Variants in ITGAX observed in about 807,000 individuals in gnomAD.
ITGAX encodes integrin subunit alpha X.
A neutral mutation model predicts 140.2 loss-of-function variants in ITGAX; 99 were observed. The ratio of observed to expected loss-of-function variants is 0.71; its 90% CI spans 0.60 to 0.83. The LOEUF (loss-of-function observed/expected upper bound fraction) is 0.83, where lower values mean the gene tolerates loss of function less well. Among genes scored for constraint, ITGAX ranks in the 40% least tolerant of loss-of-function variants. The pLI is 0.00. For missense variants in ITGAX, 1,444 were observed against 1,482.0 expected (o/e 0.97, Z 0.42); for synonymous variants, 631 against 600.4 (o/e 1.05, Z -0.75).
intron 4 of ITGAX, 36 bp from the exon 5 acceptor site, chr16:31,357,217 C>G (rs372129439): frequency 7.8e-6 from 12 of 1,546,294 alleles, no homozygotes; most frequent in Admixed American, 1.9e-5. Context: ...TGGGAGGAAG[C>G]AGGGGCAGCC....
rs2080981299 is a variant in ITGAX, at chr16:31,372,669, G to A, written c.2365G>A (p.Gly789Ser). Reference protein sequence around the residue: ...DNLGISFSFPGLKSLLVGSNL... With the variant: ...DNLGISFSFPSLKSLLVGSNL... Reference sequence around the variant, plus strand: ...TCTCGGCATCTCCTTCAGCTTCCCAGGGTGAGCGCCCCCACCTTAGACCTG... The same window carrying A: ...TCTCGGCATCTCCTTCAGCTTCCCAAGGTGAGCGCCCCCACCTTAGACCTG... The change falls in exon 19 of 30, where the codon GGC becomes AGC. Residue 789 changes from glycine (G) to serine (S), a missense_variant and splice_region_variant. Gly to Ser is a moderately conservative substitution (Grantham distance 56, BLOSUM62 0). Coordinates refer to ENST00000268296, the MANE Select transcript of ITGAX (RefSeq NM_000887.5). 6.2e-7 allele frequency: 1 copy of A among 1,613,804 alleles called. No individual in the cohort carries two copies. The highest frequency in any genetic ancestry group is 8.5e-7 in the Non-Finnish European group (1 of 1,179,786).
At chr16:31,370,201 C>T (rs1438545760) in intron 14 of ITGAX, 1 of 152,192 alleles carries the variant, frequency 6.6e-6, no homozygotes, top group Non-Finnish European at 1.5e-5. Context: ...GATGACCCAC[C>T]CGCCTCGGCC....
Position 31,380,824 on chromosome 16 carries a change from G to A in ITGAX, c.3277-73G>A, listed in dbSNP as rs576932921. 6.3e-6 allele frequency: 9 copies of A among 1,417,414 alleles called. No individual in the cohort carries two copies. The East Asian group carries it at 9.2e-5, about 14-fold the overall frequency. The allele number at this position is 1,417,414 out of a possible 1,614,324, so 87.8% of individuals were successfully genotyped here. On this transcript the variant is annotated intron_variant, in intron 28 of 29. Coordinates refer to ENST00000268296, the MANE Select transcript of ITGAX (RefSeq NM_000887.5). ...TGGGGAAGGAGGGGAGGGAGTTAAA[G>A]GTTGGGGAGCCTGGGAGGAGTCTGG... is the stretch of plus-strand genomic sequence containing the variant.
rs767429773 is a variant in ITGAX at position 31,363,380 on chromosome 16, G to A, written c.1710+6G>A. The stretch of plus-strand genomic sequence containing the variant: ...TCAGCCCCTCCCACAGCCAGGTGAG[G>A]CCGTGTCCCATTTCTGTCACTAGAG... On this transcript the variant is annotated splice_donor_region_variant and intron_variant, in intron 14 of 29. Transcript: ENST00000268296. The A allele has an allele frequency of 1.9e-6, 3 of 1,613,766 alleles. No individual in the cohort carries two copies. Among genetic ancestry groups the A allele is most frequent in the African/African-American group, 2.7e-5 (2 of 74,982 alleles).
chr16:31,378,057 C>A (rs1271529542), intron 23 of ITGAX, among the ~76,000 whole-genome samples: 3 of 152,118 alleles, frequency 2.0e-5, no homozygotes, highest in Non-Finnish European at 4.4e-5. Flanking sequence ...TGTGATGGTC[C>A]CAGCTGCCCA....
intron 14 of ITGAX, chr16:31,370,169 T>G (rs1402008909): frequency 6.6e-6 from 1 of 152,242 alleles, no homozygotes; most frequent in Admixed American, 6.5e-5. Context: ...TTGGCCAGGC[T>G]GGTCTGGAAC....
rs2080854658 is a variant in ITGAX at position 31,363,167 on chromosome 16, GAGA to G, written c.1506_1508del (p.Arg503del). 1 of 1,609,860 alleles carries G rather than the reference GAGA, an allele frequency of 6.2e-7. No homozygotes were observed. On this transcript the variant is annotated inframe_deletion, in exon 14 of 30. Transcript: ENST00000268296. ...CTGGCACTGCTTTTTTTCTGCAGTG[GAGA>G]AGGTGGTGGTGTGATGCTGTTCTCT...
Position 31,360,342 on chromosome 16 carries a change from G to A in ITGAX, c.740G>A (p.Arg247His), listed in dbSNP as rs1250724623. Residue 247 changes from arginine to histidine, a missense_variant, in exon 8 of 30, where the codon CGT becomes CAT. Arg to His is a conservative substitution (Grantham distance 29, BLOSUM62 0). Coordinates refer to ENST00000268296, the MANE Select transcript of ITGAX (RefSeq NM_000887.5). ...TTGTTCCATGCCTCATATGGGGCCC[G>A]TAGGGATGCCGCCAAAATTCTCATT... ...HRLFHASYGA[R>H]RDAAKILIVI... 3.1e-6 allele frequency: 5 copies of A among 1,613,750 alleles called. No individual in the cohort carries two copies. Among genetic ancestry groups the A allele is most frequent in the South Asian group, 2.2e-5 (2 of 91,072 alleles).
chr16:31,356,821 TCCACTGTGTCTGAGA>T, intron 3 of ITGAX, 93 bp downstream of exon 3: 3 of 988,068 alleles, frequency 3.0e-6, no homozygotes, highest in Non-Finnish European at 4.5e-6. Flanking sequence ...ACTTTCAGCT[TCCACTGTGTCTGAGA>T]CCCTCACCCT....
rs1377606372 is a variant in ITGAX at position 31,362,144 on chromosome 16, A to T, written c.1156A>T (p.Met386Leu). ...SGGAFLYPPN[M>L]SPTFINMSQE... The stretch of plus-strand genomic sequence containing the variant: ...AGGTGCCTTCCTGTACCCCCCAAAT[A>T]TGAGCCCTACCTTCATCAACATGTC... The change falls in exon 11 of 30, where the codon ATG (methionine) becomes TTG (leucine). Residue 386 changes from methionine to leucine, a missense_variant. Coordinates refer to ENST00000268296, the MANE Select transcript of ITGAX (RefSeq NM_000887.5). The T allele has an allele frequency of 6.2e-7, 1 of 1,613,884 alleles. No individual in the cohort carries two copies. The highest frequency in any genetic ancestry group is 2.2e-5 in the East Asian group (1 of 44,862).
chr16:31,378,366 T>G lies in ITGAX; in HGVS notation c.2789+1101T>G, dbSNP rs1216299891. 5.3e-5 allele frequency among the ~76,000 whole-genome samples: 8 copies of G among 152,284 alleles called. No individual in the cohort carries two copies. The East Asian group carries it at 1.2e-3, about 22-fold the overall frequency. On this transcript the variant is annotated intron_variant, in intron 23 of 29. Coordinates refer to ENST00000268296, the MANE Select transcript of ITGAX (RefSeq NM_000887.5). ...AAGCGGAGGGGCAGGCCATGGCCCC[T>G]GCTCTCCTGCAGTCAGTGGCAGAGC...
chr16:31,370,505 C>T (rs1022609251), intron 14 of ITGAX, among the ~76,000 whole-genome samples: 25 of 152,108 alleles, frequency 1.6e-4, no homozygotes, highest in Admixed American at 3.9e-4. Context: ...TGGGGTTGGA[C>T]GGTCTGGTGT....
chr16:31,363,767 A>G (rs1458779627), intron 14 of ITGAX, among the ~76,000 whole-genome samples: 1 of 152,214 alleles, frequency 6.6e-6, no homozygotes, highest in Non-Finnish European at 1.5e-5. Context: ...TACAAGGTAC[A>G]CAGGTCAGGC....
rs771284569 is a variant in ITGAX at position 31,372,672 on chromosome 16, T to C, written c.2366+2T>C. The C allele has an allele frequency of 1.9e-6, 3 of 1,613,562 alleles. No homozygotes were observed. The highest frequency in any genetic ancestry group is 2.5e-6 in the Non-Finnish European group (3 of 1,179,756). ...CGGCATCTCCTTCAGCTTCCCAGGG[T>C]GAGCGCCCCCACCTTAGACCTGCCC... On this transcript the variant is annotated splice_donor_variant, in intron 19 of 29. Coordinates refer to ENST00000268296, the MANE Select transcript of ITGAX (RefSeq NM_000887.5). LOFTEE classifies it high-confidence loss of function.
chr16:31,359,028 C>G (rs574115133), intron 5 of ITGAX, among the ~76,000 whole-genome samples: 2 of 152,024 alleles, frequency 1.3e-5, no homozygotes, highest in South Asian at 4.2e-4. Flanking sequence ...CTATGCTGTC[C>G]AGGCTGATCT....
chr16:31,357,647 A>G (rs1209595964), intron 5 of ITGAX: 2 of 476,082 alleles, frequency 4.2e-6, no homozygotes, highest in Non-Finnish European at 7.3e-6. Flanking sequence ...AGGATGATTC[A>G]TGGCCAGGGG....
At chr16:31,361,633 G>C in intron 9 of ITGAX, 1 of 734,426 alleles carries the variant, frequency 1.4e-6, no homozygotes, top group Non-Finnish European at 2.4e-6. Context: ...GGACCAGATC[G>C]GTGCTGCCAT....
intron 1 of ITGAX, 151 bp downstream of exon 1, chr16:31,355,442 AT>A (rs1197233147): frequency 6.8e-5 from 54 of 793,064 alleles, no homozygotes; most frequent in Middle Eastern, 2.9e-4. Context: ...AGGGTCTGAG[AT>A]TTGGAGTTTG....
intron 14 of ITGAX, among the ~76,000 whole-genome samples, chr16:31,369,008 T>C (rs975578446): frequency 7.9e-5 from 12 of 152,364 alleles, no homozygotes; most frequent in South Asian, 4.1e-4. Context: ...TGTCTACTTC[T>C]TTCTACACAG....
Sources: gnomAD v4.1 joint callset for allele counts (sites outside exome capture counted in the v4.1 genomes callset) on GRCh38, gnomAD v4.1.1 for gene constraint, MANE v1.5 for transcripts, NCBI Gene and HGNC (gene_info 2026-07-23, HGNC 2026-07-21) for gene names.